NAALADL2: variants seen among roughly 807,000 people sequenced by gnomAD.
The protein encoded by NAALADL2 is N-acetylated alpha-linked acidic dipeptidase like 2, also known as inactive N-acetylated-alpha-linked acidic dipeptidase-like protein 2.
A neutral mutation model predicts 87.2 loss-of-function variants in NAALADL2; 76 were observed. The ratio of observed to expected loss-of-function variants is 0.87; its 90% CI spans 0.72 to 1.05. NAALADL2 has a LOEUF of 1.05. NAALADL2 is among the 50% of genes least tolerant of loss of function. The pLI, the probability that NAALADL2 is intolerant of heterozygous loss-of-function variation, is 0.00. For missense variants in NAALADL2, 1,089 were observed against 945.8 expected, an observed-to-expected ratio of 1.15 and a Z score of -1.99; for synonymous variants, 354 against 331.0, an observed-to-expected ratio of 1.07 and a Z score of -0.75.
intron 9 of NAALADL2, among the ~76,000 whole-genome samples, chr3:175,565,488 C>T (rs998558659): frequency 1.3e-5 from 2 of 152,024 alleles, no homozygotes; most frequent in South Asian, 4.1e-4. Flanking sequence ...CGTGTTGGCC[C>T]ACCATCTTTT....
Position 174,988,905 on chromosome 3 carries a change from G to A in NAALADL2, c.44-107885G>A, listed in dbSNP as rs553398247. ...TACCTGAGGCTGGGTAATTTATAAA[G>A]AAAAGAGATTTATTTGGCTCATGGT... is the stretch of plus-strand genomic sequence containing the variant. On this transcript the variant is annotated intron_variant, in intron 1 of 13. Transcript: ENST00000454872. Among the ~76,000 whole-genome samples the A allele has an allele frequency of 1.2e-4, 19 of 152,274 alleles. No individual in the cohort carries two copies. The South Asian group carries it at 3.9e-3, about 32-fold the overall frequency.
chr3:175,551,348 G>A (rs2149491061), intron 9 of NAALADL2, among the ~76,000 whole-genome samples: 1 of 152,192 alleles, frequency 6.6e-6, no homozygotes, highest in African/African-American at 2.4e-5. Context: ...GCTAGGCAAA[G>A]ACAGTAACAA....
chr3:174,510,385 T>A (rs1415887054), intron 1 of NAALADL2, among the ~76,000 whole-genome samples: 2 of 152,148 alleles, frequency 1.3e-5, no homozygotes. Flanking sequence ...GAAATTTTGT[T>A]TTGAGAAGGT....
chr3:175,268,689 A>G (rs1195199386), intron 4 of NAALADL2, among the ~76,000 whole-genome samples: 1 of 152,060 alleles, frequency 6.6e-6, no homozygotes, highest in African/African-American at 2.4e-5. Context: ...GTCCTTTTCT[A>G]TTTTTAAAAT....
chr3:175,286,931 A>G (rs1033603687), intron 4 of NAALADL2, among the ~76,000 whole-genome samples: 1 of 151,130 alleles, frequency 6.6e-6, no homozygotes, highest in Non-Finnish European at 1.5e-5. Flanking sequence ...TACAAAAACA[A>G]ATCAGCAAGG....
At chr3:175,622,813 C>T (rs1245668272) in intron 10 of NAALADL2, among the ~76,000 whole-genome samples, 1 of 151,982 alleles carries the variant, frequency 6.6e-6, no homozygotes, top group Non-Finnish European at 1.5e-5. Context: ...TCACATAAAA[C>T]CTTAAAACAC....
At chr3:174,929,719 TCTTA>T (rs1199320539) in intron 1 of NAALADL2, among the ~76,000 whole-genome samples, 6 of 152,194 alleles carry the variant, frequency 3.9e-5, no homozygotes, top group Admixed American at 2.6e-4. Context: ...TTGTCCTTGA[TCTTA>T]CTTTTTTTCT....
intron 11 of NAALADL2, among the ~76,000 whole-genome samples, chr3:175,663,759 T>C (rs554889686): frequency 6.6e-6 from 1 of 152,062 alleles, no homozygotes. Context: ...TGGCACAAGA[T>C]TTAGAACTTT....
At chr3:175,631,157 G>C (rs1727707682) in intron 11 of NAALADL2, among the ~76,000 whole-genome samples, 1 of 151,650 alleles carries the variant, frequency 6.6e-6, no homozygotes, top group Non-Finnish European at 1.5e-5. Flanking sequence ...TTGCAAGCAT[G>C]ATTTCATGCC....
intron 10 of NAALADL2, among the ~76,000 whole-genome samples, chr3:175,599,164 G>A (rs111464847): frequency 5.9e-5 from 9 of 152,044 alleles, no homozygotes; most frequent in East Asian, 1.9e-4. Context: ...ATGAATTTAC[G>A]CTGGCATATA....
chr3:175,799,256 ATGAT>A (rs1483541004), intron 13 of NAALADL2, among the ~76,000 whole-genome samples: 2 of 152,116 alleles, frequency 1.3e-5, no homozygotes, highest in Admixed American at 1.3e-4. Flanking sequence ...ATTATGAAAA[ATGAT>A]TAATTTTTTA....
At chr3:175,698,425 G>GTGTATGTATTTATGTATGTATACATATA (rs1560995365) in intron 11 of NAALADL2, among the ~76,000 whole-genome samples, 1 of 85,462 alleles carries the variant, frequency 1.2e-5, no homozygotes, top group Non-Finnish European at 2.1e-5. Context: ...GTATACATAT[G>GTGTATGTATTTATGTATGTATACATATA]TATGTGTATA....
intron 3 of NAALADL2, among the ~76,000 whole-genome samples, chr3:174,773,820 A>G (rs868544048): frequency 3.3e-5 from 5 of 152,220 alleles, no homozygotes; most frequent in South Asian, 4.1e-4. Flanking sequence ...TAGTCCAACA[A>G]TGATTGTCCC....
chr3:175,634,136 T>C (rs1285756000), intron 11 of NAALADL2, among the ~76,000 whole-genome samples: 5 of 151,838 alleles, frequency 3.3e-5, no homozygotes, highest in African/African-American at 4.8e-5. Context: ...TAAAGGTTAA[T>C]GGTGGGGTCA....
intron 13 of NAALADL2, chr3:175,773,234 A>T (rs1354522946): frequency 6.6e-6 from 1 of 152,164 alleles, no homozygotes; most frequent in Non-Finnish European, 1.5e-5. Flanking sequence ...ATATTCTTTT[A>T]TAATACAATT....
At chr3:175,085,269 A>C (rs962096831) in intron 1 of NAALADL2, among the ~76,000 whole-genome samples, 1 of 152,146 alleles carries the variant, frequency 6.6e-6, no homozygotes, top group Non-Finnish European at 1.5e-5. Context: ...ATGTTAACTT[A>C]CTTAATATAA....
Position 175,004,375 on chromosome 3 carries a change from TC to T in NAALADL2, c.44-92414del, listed in dbSNP as rs1461511494. Reference sequence around the variant, plus strand: ...GCCTGGGTGACAGAGTGAGACTATTTCAAAAAAAAAAAAAAAAAAAAAAAAA... The same window carrying T: ...GCCTGGGTGACAGAGTGAGACTATTTAAAAAAAAAAAAAAAAAAAAAAAAA... On this transcript the variant is annotated intron_variant, in intron 1 of 13. Coordinates refer to ENST00000454872, the MANE Select transcript of NAALADL2 (RefSeq NM_207015.3). Among the ~76,000 whole-genome samples, 125 of 39,582 alleles carry T rather than the reference TC, an allele frequency of 3.2e-3. 1 individual carries two copies. Among genetic ancestry groups the T allele is most frequent in the African/African-American group, 1.0e-2 (114 of 11,410 alleles). 26.0% of individuals were successfully genotyped at this position (39,582 alleles called of 152,430 possible).
At chr3:174,880,654 TC>T (rs34185341) in intron 1 of NAALADL2, among the ~76,000 whole-genome samples, 30,588 of 152,050 alleles carry the variant, frequency 0.2, 3,111 homozygotes, top group East Asian at 0.3. Context: ...GCCTAGATTA[TC>T]CTTCTCATAG....
rs1328743252 is a variant in NAALADL2, at chr3:175,743,187, G to A, written c.1990+5788G>A. 2.0e-5 allele frequency among the ~76,000 whole-genome samples: 3 copies of A among 152,262 alleles called. No individual in the cohort carries two copies. In the East Asian group the frequency reaches 5.8e-4, roughly 29 times the overall value. ...AGCTAATTTTTGTATTTTTAGTAGA[G>A]ATGGGGTTTCACCATGTTGGCCAGG... is the stretch of plus-strand genomic sequence containing the variant. On this transcript the variant is annotated intron_variant, in intron 12 of 13. Coordinates refer to ENST00000454872, the MANE Select transcript of NAALADL2 (RefSeq NM_207015.3).
Sources: allele counts gnomAD v4.1 joint callset (sites outside exome capture counted in the v4.1 genomes callset), GRCh38; gene constraint gnomAD v4.1.1; transcripts MANE v1.5; gene names NCBI Gene and HGNC (gene_info 2026-07-23, HGNC 2026-07-21).